PLA2R1: variants seen among roughly 807,000 people sequenced by gnomAD.
PLA2R1 encodes secretory phospholipase A2 receptor.
In PLA2R1, 158 loss-of-function variants were observed where a neutral mutation model predicts 195.9. That is an observed-to-expected ratio of 0.81 (90% confidence interval 0.71 to 0.92). The LOEUF (loss-of-function observed/expected upper bound fraction) is 0.92. Ranked by LOEUF, PLA2R1 falls within the 40% of genes least tolerant of loss-of-function variation. The probability of loss-of-function intolerance (pLI) is 0.00; values close to 1 mark genes in which losing one functional copy is unlikely to be tolerated. For missense variants in PLA2R1, 1,626 were observed against 1,764.6 expected, an observed-to-expected ratio of 0.92 and a Z score of 1.41; for synonymous variants, 586 against 598.2, an observed-to-expected ratio of 0.98 and a Z score of 0.30.
the PLA2R1 span, among the ~76,000 whole-genome samples, chr2:159,923,991 C>T: frequency 6.6e-6 from 1 of 151,712 alleles, no homozygotes; most frequent in East Asian, 1.9e-4. Flanking sequence ...AGTCCAAAAT[C>T]AGGTATCATT....
rs573910578 is a variant in PLA2R1, at chr2:160,022,714, G to C, written c.1245C>G (p.Asp415Glu). The C allele has an allele frequency of 6.2e-7, 1 of 1,612,810 alleles. No individual in the cohort carries two copies. The highest frequency in any genetic ancestry group is 1.3e-5 in the African/African-American group (1 of 74,898). The change falls in exon 7 of 30, where the codon GAC becomes GAG. Residue 415 changes from aspartate to glutamate, a missense_variant. Transcript: ENST00000283243. The part of the protein sequence containing the change: ...SCQADNSALI[D>E]ITSLAEVEFL... Reference sequence around the variant, plus strand: ...ACTCCACCTCTGCTAATGAGGTTATGTCTATTAATGCACTGTTATCAGCCT... The same window carrying C: ...ACTCCACCTCTGCTAATGAGGTTATCTCTATTAATGCACTGTTATCAGCCT...
intron 3 of PLA2R1, among the ~76,000 whole-genome samples, chr2:160,041,288 G>A (rs914158449): frequency 1.3e-5 from 2 of 152,028 alleles, no homozygotes; most frequent in Non-Finnish European, 2.9e-5. Flanking sequence ...CAGAAACCAA[G>A]GGAAAGGAAA....
At chr2:160,031,612 T>A (rs1408636677) in intron 4 of PLA2R1, among the ~76,000 whole-genome samples, 1 of 152,180 alleles carries the variant, frequency 6.6e-6, no homozygotes, top group African/African-American at 2.4e-5. Context: ...AGCGGTTAAA[T>A]CACTTGCTTG....
chr2:159,980,857 C>T (rs574016208), intron 13 of PLA2R1, among the ~76,000 whole-genome samples: 2 of 152,182 alleles, frequency 1.3e-5, no homozygotes, highest in African/African-American at 2.4e-5. Flanking sequence ...AATTCCTTCT[C>T]GGATATGTCA....
chr2:160,045,953 C>G (rs778667622), intron 1 of PLA2R1, among the ~76,000 whole-genome samples: 2 of 152,286 alleles, frequency 1.3e-5, no homozygotes, highest in East Asian at 3.9e-4. Context: ...CTCTCCTCCC[C>G]GGAGCTGGAA....
At chr2:160,053,762 G>A (rs1695363770) in intron 1 of PLA2R1, among the ~76,000 whole-genome samples, 1 of 152,268 alleles carries the variant, frequency 6.6e-6, no homozygotes, top group Admixed American at 6.5e-5. Flanking sequence ...TTGGGAGGAG[G>A]CAGCTGAGAA....
At position 159,949,750 on chromosome 2, in the gene PLA2R1, A is replaced by G; in HGVS notation, c.3567T>C (p.Asp1189=). 8 of 1,613,964 alleles carry G rather than the reference A, an allele frequency of 5.0e-6. No individual in the cohort carries two copies. Among genetic ancestry groups the G allele is most frequent in the Non-Finnish European group, 6.8e-6 (8 of 1,179,860 alleles). The change falls in exon 25 of 30, where the codon GAT becomes GAC. Residue 1189 remains aspartate (D), a synonymous_variant. Coordinates refer to ENST00000283243, the MANE Select transcript of PLA2R1 (RefSeq NM_007366.5). ...TDNGLNFDWS[D]GTKSSFTFWK... is the part of the protein sequence containing the mutation. ...AAAAAGTGAAAGAAGATTTGGTGCCATCAGACCAGTCAAAATTAAGACCAT... is the reference window on the plus strand; with the variant it reads ...AAAAAGTGAAAGAAGATTTGGTGCCGTCAGACCAGTCAAAATTAAGACCAT...
At chr2:159,945,183 T>C in intron 27 of PLA2R1, 101 bp from the exon 28 acceptor site, 1 of 463,568 alleles carries the variant, frequency 2.2e-6, no homozygotes, top group Non-Finnish European at 3.4e-6. Flanking sequence ...TTTTTTTATT[T>C]TTTTATTTTT....
chr2:159,925,017 C>T, the PLA2R1 span, among the ~76,000 whole-genome samples: 1 of 152,128 alleles, frequency 6.6e-6, no homozygotes, highest in Non-Finnish European at 1.5e-5. Flanking sequence ...CTTCTGTTTC[C>T]TCAACACTTT....
At chr2:159,929,258 C>G (rs558779192), downstream of PLA2R1, among the ~76,000 whole-genome samples, 2 of 152,218 alleles carry the variant, frequency 1.3e-5, no homozygotes, top group South Asian at 4.1e-4. Context: ...ATACATCTGA[C>G]AAAGGACTAA....
At chr2:159,977,862 A>C (rs1449451608) in intron 14 of PLA2R1, among the ~76,000 whole-genome samples, 1 of 152,114 alleles carries the variant, frequency 6.6e-6, no homozygotes. Context: ...CCCAGGAAGC[A>C]GAGCTTGCAG....
At chr2:160,024,276 C>G (rs1693355327) in intron 6 of PLA2R1, among the ~76,000 whole-genome samples, 1 of 152,188 alleles carries the variant, frequency 6.6e-6, no homozygotes, top group Non-Finnish European at 1.5e-5. Flanking sequence ...CCTCGTGGCC[C>G]ACCATCCCCA....
At chr2:160,044,495 C>A (rs1258278031) in intron 2 of PLA2R1, among the ~76,000 whole-genome samples, 1 of 152,214 alleles carries the variant, frequency 6.6e-6, no homozygotes, top group Non-Finnish European at 1.5e-5. Context: ...ATTCTTTCTG[C>A]TCCCTTCCAT....
At chr2:160,027,758 C>T (rs985621667) in intron 6 of PLA2R1, among the ~76,000 whole-genome samples, 1 of 152,092 alleles carries the variant, frequency 6.6e-6, no homozygotes, top group Non-Finnish European at 1.5e-5. Flanking sequence ...GTATTAACTC[C>T]ATCTAAAAGT....
intron 11 of PLA2R1, among the ~76,000 whole-genome samples, chr2:159,995,040 C>T (rs577073829): frequency 7.2e-4 from 110 of 152,114 alleles, no homozygotes; most frequent in African/African-American, 2.5e-3. Context: ...GTGGTCAATT[C>T]ATGTAGTTAG....
intron 11 of PLA2R1, 65 bp from the exon 12 acceptor site, chr2:159,987,423 C>G (rs1690432132): frequency 2.7e-6 from 3 of 1,123,258 alleles, no homozygotes; most frequent in Non-Finnish European, 2.6e-6. Context: ...CAGAAGACTG[C>G]TCTTTAGAGT....
chr2:159,943,164 T>A (rs1245357706), intron 28 of PLA2R1, among the ~76,000 whole-genome samples: 1 of 152,056 alleles, frequency 6.6e-6, no homozygotes, highest in Non-Finnish European at 1.5e-5. Flanking sequence ...GAGATGGAGT[T>A]TTGCCATGTT....
At chr2:159,925,737 T>C in the PLA2R1 span, among the ~76,000 whole-genome samples, 1 of 152,194 alleles carries the variant, frequency 6.6e-6, no homozygotes, top group East Asian at 1.9e-4. Flanking sequence ...TGACCCTTTC[T>C]GGTGCTCCAT....
At chr2:159,931,051 G>A (rs1439905936), downstream of PLA2R1, among the ~76,000 whole-genome samples, 1 of 152,146 alleles carries the variant, frequency 6.6e-6, no homozygotes, top group South Asian at 2.1e-4. Flanking sequence ...TCTCAAACAC[G>A]AACAGCTGAA....
Sources: gnomAD v4.1 joint callset for allele counts (sites outside exome capture counted in the v4.1 genomes callset) on GRCh38, gnomAD v4.1.1 for gene constraint, MANE v1.5 for transcripts, NCBI Gene and HGNC (gene_info 2026-07-23, HGNC 2026-07-21) for gene names.